Variants in BMPR1B observed in about 807,000 individuals in gnomAD.
BMPR1B encodes bone morphogenetic protein receptor type 1B, also known as bone morphogenetic protein receptor type-1B.
BMPR1B carries 12 observed loss-of-function variants against 59.1 expected under a neutral mutation model. The observed-to-expected ratio is 0.20, with a 90% CI of 0.13 to 0.33. The LOEUF is 0.33. Ranked by LOEUF, BMPR1B falls within the 10% of genes least tolerant of loss-of-function variation. BMPR1B has a pLI of 1.00. For missense variants in BMPR1B, 550 were observed against 610.9 expected (o/e 0.90, Z 1.05); for synonymous variants, 237 against 207.3 (o/e 1.14, Z -1.23).
chr4:95,141,373 C>T (rs552204297), intron 10 of BMPR1B, among the ~76,000 whole-genome samples: 15 of 152,244 alleles, frequency 9.9e-5, no homozygotes, highest in African/African-American at 3.6e-4. Flanking sequence ...CATATGAGAA[C>T]TTCCTGTGAG....
At chr4:95,026,855 G>A (rs1454053027) in intron 3 of BMPR1B, among the ~76,000 whole-genome samples, 1 of 151,576 alleles carries the variant, frequency 6.6e-6, no homozygotes, top group Non-Finnish European at 1.5e-5. Context: ...CAAAATTCTG[G>A]GTTCAAGAGA....
At chr4:95,118,874 G>C (rs922414665) in intron 6 of BMPR1B, among the ~76,000 whole-genome samples, 24 of 152,198 alleles carry the variant, frequency 1.6e-4, no homozygotes, top group South Asian at 4.2e-4. Context: ...AGGGTTATGG[G>C]GCAAATAAAA....
intron 6 of BMPR1B, among the ~76,000 whole-genome samples, chr4:95,122,302 C>CT (rs1732588212): frequency 6.6e-6 from 1 of 151,330 alleles, no homozygotes; most frequent in Non-Finnish European, 1.5e-5. Flanking sequence ...TGCCACTGCA[C>CT]TCCAGCCTCG....
rs78862522 is a variant in BMPR1B at position 94,911,425 on chromosome 4, C to T, written c.-113+35525C>T. 7.4e-3 allele frequency among the ~76,000 whole-genome samples: 1,125 copies of T among 152,162 alleles called. 16 individuals are homozygous for T. Among genetic ancestry groups the T allele is most frequent in the African/African-American group, 0.026 (1,074 of 41,528 alleles). On this transcript the variant is annotated intron_variant, in intron 2 of 12. Coordinates refer to ENST00000515059, the MANE Select transcript of BMPR1B (RefSeq NM_001203.3). ...CAGGAACAGAGGGGAAGAAAGCCAG[C>T]GAGATCTTCTCAGATACCATGGCTT... is the stretch of plus-strand genomic sequence containing the variant.
intron 11 of BMPR1B, among the ~76,000 whole-genome samples, chr4:95,151,855 G>A (rs1735065085): frequency 6.6e-6 from 1 of 152,072 alleles, no homozygotes; most frequent in South Asian, 2.1e-4. Context: ...ATTATTATAA[G>A]GAGTTAATCT....
At chr4:95,109,343 A>G (rs1424152463) in intron 4 of BMPR1B, among the ~76,000 whole-genome samples, 1 of 151,996 alleles carries the variant, frequency 6.6e-6, no homozygotes, top group Non-Finnish European at 1.5e-5. Flanking sequence ...TAAGCCTCCA[A>G]CTCTGTATCC....
chr4:94,772,288 T>C (rs1370996680), intron 1 of BMPR1B, among the ~76,000 whole-genome samples: 1 of 151,934 alleles, frequency 6.6e-6, no homozygotes, highest in Non-Finnish European at 1.5e-5. Flanking sequence ...CTTCAGCATG[T>C]TGTTGTTAAT....
At chr4:94,984,260 A>G (rs1721264779) in intron 2 of BMPR1B, among the ~76,000 whole-genome samples, 1 of 152,308 alleles carries the variant, frequency 6.6e-6, no homozygotes, top group Non-Finnish European at 1.5e-5. Context: ...TAAACTTCTC[A>G]ATAGCTGCTA....
At chr4:94,952,452 A>G (rs567712715) in intron 2 of BMPR1B, among the ~76,000 whole-genome samples, 40 of 152,294 alleles carry the variant, frequency 2.6e-4, no homozygotes, top group African/African-American at 8.7e-4. Flanking sequence ...GGATTCTGGT[A>G]CATTGTGTCT....
At chr4:95,149,031 T>A in intron 11 of BMPR1B, 108 bp downstream of exon 11, 17 of 1,432,170 alleles carry the variant, frequency 1.2e-5, no homozygotes, top group Non-Finnish European at 1.7e-5. Context: ...CTGGTTTTAT[T>A]TTCCCCTTTA....
chr4:94,842,031 G>T (rs1725106779), intron 1 of BMPR1B, among the ~76,000 whole-genome samples: 1 of 152,156 alleles, frequency 6.6e-6, no homozygotes, highest in African/African-American at 2.4e-5. Flanking sequence ...AGATGCTGAT[G>T]ATACACTCAG....
At chr4:94,763,212 G>T (rs1234810015) in intron 1 of BMPR1B, among the ~76,000 whole-genome samples, 3 of 152,122 alleles carry the variant, frequency 2.0e-5, no homozygotes, top group Non-Finnish European at 4.4e-5. Context: ...AGGGAAGTGA[G>T]GCAGAATTCC....
At chr4:95,130,807 G>A (rs547071984) in intron 9 of BMPR1B, among the ~76,000 whole-genome samples, 59 of 136,926 alleles carry the variant, frequency 4.3e-4, no homozygotes, top group South Asian at 9.2e-4. Flanking sequence ...CTCCGCTCAC[G>A]GTAATCTCTG....
rs890305622 is a variant in BMPR1B at position 95,115,687 on chromosome 4, C to T, written c.249C>T (p.Asp83=). 2 of 1,612,636 alleles carry T rather than the reference C, an allele frequency of 1.2e-6. No individual in the cohort carries two copies. The highest frequency in any genetic ancestry group is 1.7e-5 in the Admixed American group (1 of 59,988). ...TAGCTGTTTGGGTTCGATTATAGGA[C>T]ACTCCCATTCCTCATCAAAGAAGAT... is the stretch of plus-strand genomic sequence containing the variant. ...GLEGSDFQCR[D]TPIPHQRRSI... is the part of the protein sequence containing the mutation. The change falls in exon 6 of 13, where the codon GAC becomes GAT. Residue 83 remains aspartate, a splice_region_variant and synonymous_variant. Transcript: ENST00000515059.
intron 2 of BMPR1B, among the ~76,000 whole-genome samples, chr4:94,974,851 C>T (rs1440833848): frequency 6.6e-6 from 1 of 152,098 alleles, no homozygotes. Context: ...CCCAAACACA[C>T]AAATAGACAC....
intron 1 of BMPR1B, among the ~76,000 whole-genome samples, chr4:94,779,716 G>C (rs1252499715): frequency 1.3e-5 from 2 of 152,010 alleles, no homozygotes; most frequent in East Asian, 3.9e-4. Context: ...CCTGTAGTCC[G>C]AGCTACTCAG....
intron 1 of BMPR1B, among the ~76,000 whole-genome samples, chr4:94,841,296 C>G (rs570472529): frequency 2.0e-5 from 3 of 148,204 alleles, no homozygotes; most frequent in South Asian, 4.3e-4. Flanking sequence ...CCACCCAGTT[C>G]GAGCTTCCTG....
At chr4:94,866,904 T>G (rs1726269456) in intron 1 of BMPR1B, among the ~76,000 whole-genome samples, 1 of 152,166 alleles carries the variant, frequency 6.6e-6, no homozygotes, top group Non-Finnish European at 1.5e-5. Context: ...TATTTCACTA[T>G]AGTCTGTAGC....
At chr4:94,975,363 G>GT (rs763655134) in intron 2 of BMPR1B, among the ~76,000 whole-genome samples, 19,892 of 110,952 alleles carry the variant, frequency 0.18, 2,728 homozygotes, top group African/African-American at 0.26. Context: ...TTTTGTTTTT[G>GT]TTTTTTTTTT....
Sources: allele counts gnomAD v4.1 joint callset (sites outside exome capture counted in the v4.1 genomes callset), GRCh38; gene constraint gnomAD v4.1.1; transcripts MANE v1.5; gene names NCBI Gene and HGNC (gene_info 2026-07-23, HGNC 2026-07-21).